The following MOSMO variants were observed in gnomAD, a reference collection of about 807,000 sequenced individuals.
MOSMO encodes the protein modulator of smoothened protein.
In MOSMO, 5 loss-of-function variants were observed where a neutral mutation model predicts 18.4. The ratio of observed to expected loss-of-function variants is 0.27; its 90% CI spans 0.14 to 0.57. The LOEUF is 0.57. MOSMO is among the 20% of genes least tolerant of loss of function. The probability of loss-of-function intolerance (pLI) is 0.92; values close to 1 mark genes in which losing one functional copy is unlikely to be tolerated. For missense variants in MOSMO, 138 were observed against 211.8 expected, an observed-to-expected ratio of 0.65 and a Z score of 2.16; for synonymous variants, 82 against 82.3, an observed-to-expected ratio of 1.00 and a Z score of 0.02.
chr16:22,085,181 C>T (rs917596047), downstream of MOSMO: 4 of 152,128 alleles, frequency 2.6e-5, no homozygotes, highest in South Asian at 2.1e-4. Context: ...TTAGCCCAAC[C>T]GAATAATAAT....
intron 1 of MOSMO, among the ~76,000 whole-genome samples, chr16:22,050,004 C>T (rs1258318175): frequency 6.6e-6 from 1 of 152,158 alleles, no homozygotes; most frequent in African/African-American, 2.4e-5. Context: ...TTGGAGAGCT[C>T]ACCTTGGAAA....
At chr16:22,042,079 G>C (rs1372355424) in intron 1 of MOSMO, among the ~76,000 whole-genome samples, 1 of 152,136 alleles carries the variant, frequency 6.6e-6, no homozygotes, top group Non-Finnish European at 1.5e-5. Context: ...AGGTGGAGGA[G>C]GGCAAATAAG....
intron 1 of MOSMO, among the ~76,000 whole-genome samples, chr16:22,047,664 T>C (rs1900340867): frequency 6.6e-6 from 1 of 152,146 alleles, no homozygotes; most frequent in Non-Finnish European, 1.5e-5. Flanking sequence ...GGTTTTTCTG[T>C]GGGTTGCATA....
chr16:22,039,319 T>C (rs992401148), intron 1 of MOSMO, among the ~76,000 whole-genome samples: 1 of 152,196 alleles, frequency 6.6e-6, no homozygotes, highest in African/African-American at 2.4e-5. Context: ...GGCAAGTTTC[T>C]TTCCTTTTTA....
At chr16:22,020,933 T>C (rs577132478) in intron 1 of MOSMO, among the ~76,000 whole-genome samples, 1 of 152,328 alleles carries the variant, frequency 6.6e-6, no homozygotes, top group East Asian at 1.9e-4. Flanking sequence ...TCAGAGGAAT[T>C]ACGGAGATTG....
intron 1 of MOSMO, among the ~76,000 whole-genome samples, chr16:22,073,922 A>G (rs1323010772): frequency 1.3e-5 from 2 of 152,138 alleles, no homozygotes; most frequent in Non-Finnish European, 2.9e-5. Flanking sequence ...TGGGAGAAAA[A>G]GTACAGCTTG....
chr16:22,026,176 A>G lies in MOSMO; in HGVS notation c.106+17769A>G, dbSNP rs144276368. ...GTCACAATTATTTATGGTCTGTATG[A>G]TAACTAAGTCTGGAAGTTGGATATG... On this transcript the variant is annotated intron_variant, in intron 1 of 2. Transcript: ENST00000542527. 6.8e-3 allele frequency among the ~76,000 whole-genome samples: 1,035 copies of G among 151,194 alleles called. 8 individuals are homozygous for G. The highest frequency in any genetic ancestry group is 0.011 in the Non-Finnish European group (714 of 67,784).
chr16:22,026,071 C>T (rs1181888739), intron 1 of MOSMO, among the ~76,000 whole-genome samples: 1 of 152,058 alleles, frequency 6.6e-6, no homozygotes, highest in African/African-American at 2.4e-5. Context: ...TCTGAGATGA[C>T]CTAGATGACC....
In MOSMO at chr16:22,021,884, A is replaced by G. The variant is rs528131876; in HGVS notation, c.106+13477A>G. 3.3e-5 allele frequency among the ~76,000 whole-genome samples: 5 copies of G among 152,200 alleles called. No homozygotes were observed. The East Asian group carries it at 9.7e-4, about 29-fold the overall frequency. ...GTTTACCAGCTGAGGGGCTTTGAGC[A>G]TGTTTCTTGGCCTCGGAGCTATAGC... On this transcript the variant is annotated intron_variant, in intron 1 of 2. Transcript: ENST00000542527.
At chr16:22,022,225 G>A (rs902334784) in intron 1 of MOSMO, among the ~76,000 whole-genome samples, 1 of 149,016 alleles carries the variant, frequency 6.7e-6, no homozygotes, top group African/African-American at 2.5e-5. Flanking sequence ...TCGCTATGTT[G>A]CCCAGGCTGG....
intron 1 of MOSMO, among the ~76,000 whole-genome samples, chr16:22,051,444 T>C (rs1900425686): frequency 6.6e-6 from 1 of 151,536 alleles, no homozygotes; most frequent in Admixed American, 6.6e-5. Flanking sequence ...AAATCTACCA[T>C]AAACAAAAGA....
At chr16:22,060,358 T>G (rs1900617668) in intron 1 of MOSMO, among the ~76,000 whole-genome samples, 1 of 152,200 alleles carries the variant, frequency 6.6e-6, no homozygotes, top group African/African-American at 2.4e-5. Flanking sequence ...CAACTTGACT[T>G]TTTTAATTGA....
At chr16:22,040,083 T>A (rs1358625086) in intron 1 of MOSMO, among the ~76,000 whole-genome samples, 1 of 152,176 alleles carries the variant, frequency 6.6e-6, no homozygotes, top group African/African-American at 2.4e-5. Flanking sequence ...GTTAAGAAAT[T>A]ATTGGAATGA....
At chr16:22,051,277 A>G (rs1235372668) in intron 1 of MOSMO, among the ~76,000 whole-genome samples, 1 of 151,862 alleles carries the variant, frequency 6.6e-6, no homozygotes, top group African/African-American at 2.4e-5. Flanking sequence ...AATCCCAGCT[A>G]TTCAGGAGGC....
chr16:22,021,510 A>G (rs760171743), intron 1 of MOSMO, among the ~76,000 whole-genome samples: 3 of 152,116 alleles, frequency 2.0e-5, no homozygotes, highest in Non-Finnish European at 4.4e-5. Flanking sequence ...TCAGAAAGTT[A>G]AAAGAGTATG....
At chr16:22,013,991 TAAGA>T (rs1360819227) in intron 1 of MOSMO, among the ~76,000 whole-genome samples, 9 of 152,128 alleles carry the variant, frequency 5.9e-5, no homozygotes, top group Admixed American at 4.6e-4. Context: ...ATTTTATTAC[TAAGA>T]AAGAGGATAT....
chr16:22,022,839 C>G (rs968283070), intron 1 of MOSMO, among the ~76,000 whole-genome samples: 1 of 152,140 alleles, frequency 6.6e-6, no homozygotes, highest in African/African-American at 2.4e-5. Flanking sequence ...CAGAACCGGA[C>G]CTTGCTGGCA....
At chr16:22,047,526 G>C (rs922327856) in intron 1 of MOSMO, among the ~76,000 whole-genome samples, 1 of 152,032 alleles carries the variant, frequency 6.6e-6, no homozygotes, top group South Asian at 2.1e-4. Context: ...TTACAGGCTT[G>C]AGCCACCGCG....
intron 1 of MOSMO, among the ~76,000 whole-genome samples, chr16:22,027,988 C>T (rs1469768562): frequency 2.6e-5 from 4 of 151,988 alleles, no homozygotes; most frequent in Non-Finnish European, 4.4e-5. Context: ...TAAAATGTAT[C>T]GTTTTTTAGG....
Sources: allele counts gnomAD v4.1 joint callset (sites outside exome capture counted in the v4.1 genomes callset), GRCh38; gene constraint gnomAD v4.1.1; transcripts MANE v1.5; gene names NCBI Gene and HGNC (gene_info 2026-07-23, HGNC 2026-07-21).